The following EGR3 variants were observed in gnomAD, a reference collection of about 807,000 sequenced individuals.
The protein encoded by EGR3 is early growth response protein 3.
Under a neutral mutation model 22.4 loss-of-function variants are expected in EGR3, and 4 were observed. The observed-to-expected ratio is 0.18, with a 90% CI of 0.09 to 0.41. EGR3 has a LOEUF of 0.41. Ranked by LOEUF, EGR3 falls within the 10% of genes least tolerant of loss-of-function variation. The pLI is 1.00. For missense variants in EGR3, 315 were observed against 541.3 expected (o/e 0.58, Z 4.15); for synonymous variants, 219 against 226.8 (o/e 0.97, Z 0.31).
rs561172782 is a variant in EGR3, at chr8:22,690,668, G to A, written c.969C>T (p.His323=). The change falls in exon 2 of 2, where the codon CAC becomes CAT. Residue 323 remains histidine, a synonymous_variant. Coordinates refer to ENST00000317216, the MANE Select transcript of EGR3 (RefSeq NM_004430.3). ...SFSRSDHLTT[H]IRTHTGEKPF... ...GCTTCTCGCCCGTATGAGTGCGGAT[G>A]TGAGTGGTGAGGTGGTCGCTGCGGC... 1 of 1,614,128 alleles carries A rather than the reference G, an allele frequency of 6.2e-7. No homozygotes were observed. Among genetic ancestry groups the A allele is most frequent in the African/African-American group, 1.3e-5 (1 of 75,080 alleles).
Position 22,692,001 on chromosome 8 carries a change from G to T in EGR3, c.155-519C>A, listed in dbSNP as rs1236236530. 11 of 1,293,414 alleles carry T rather than the reference G, an allele frequency of 8.5e-6. No homozygotes were observed. Among genetic ancestry groups the T allele is most frequent in the Non-Finnish European group, 1.1e-5 (11 of 1,020,612 alleles). The allele number at this position is 1,293,414 out of a possible 1,614,324, so 80.1% of individuals were successfully genotyped here. On this transcript the variant is annotated intron_variant, in intron 1 of 1. Transcript: ENST00000317216. This position sits in a 1 kb window ranked among gnomAD's most constrained non-coding sequence, Gnocchi z 6.2. The stretch of plus-strand genomic sequence containing the variant: ...GACGCTTTGTCCTCGGAGCGTAGAA[G>T]GGTGTCGCCCTCAAAGGGAGCTCTC...
Position 22,693,012 on chromosome 8 carries a change from C to T in EGR3, c.-68G>A. On this transcript the variant is annotated 5_prime_UTR_variant, in exon 1 of 2. It introduces an in-frame stop codon into an upstream open reading frame of the 5' UTR. Transcript: ENST00000317216. Reference sequence around the variant, plus strand: ...CCGCCGCTCGCTCCTAACGCAGCTTCCAGGCAAGCGGCATCCGAGAGGCGA... The same window carrying T: ...CCGCCGCTCGCTCCTAACGCAGCTTTCAGGCAAGCGGCATCCGAGAGGCGA... 6.4e-7 allele frequency: 1 copy of T among 1,553,630 alleles called. No homozygotes were observed.
intron 1 of EGR3, chr8:22,691,816 A>T: frequency 4.1e-6 from 4 of 985,368 alleles, no homozygotes; most frequent in Non-Finnish European, 4.8e-6. Context: ...AGCTGCAGCT[A>T]CAGGTAGTTT....
chr8:22,691,614 G>A (rs1035677101), intron 1 of EGR3, 132 bp from the exon 2 acceptor site: 1 of 1,437,716 alleles, frequency 7.0e-7, no homozygotes, highest in East Asian at 2.4e-5. Context: ...TAAGAGGAAC[G>A]CTGAGCCCCG....
intron 1 of EGR3, chr8:22,691,964 C>A: frequency 4.8e-6 from 6 of 1,260,610 alleles, no homozygotes; most frequent in Non-Finnish European, 6.0e-6. Flanking sequence ...GGTCGCCGAC[C>A]CAGAGCGCTC....
Position 22,691,449 on chromosome 8 carries a change from T to C in EGR3, c.188A>G (p.Lys63Arg). 1.9e-6 allele frequency: 3 copies of C among 1,614,062 alleles called. No homozygotes were observed. Among genetic ancestry groups the C allele is most frequent in the Non-Finnish European group, 2.5e-6 (3 of 1,180,010 alleles). Residue 63 changes from lysine (K) to arginine (R), a missense_variant, in exon 2 of 2, where the codon AAG becomes AGG. Physicochemically the swap from Lys to Arg is conservative, Grantham distance 26. Coordinates refer to ENST00000317216, the MANE Select transcript of EGR3 (RefSeq NM_004430.3). ...GGAGTAAGAGAGTTCCGGGTTGGGC[T>C]TCTCGTTGGTCAGACCGATGTCCAT... ...NVMDIGLTNE[K>R]PNPELSYSGS... is the part of the protein sequence containing the mutation.
rs770711526 is a variant in EGR3, at chr8:22,692,676, CCCAT to C, written c.154+111_154+114del. 69,015 of 1,360,402 alleles carry C rather than the reference CCCAT, an allele frequency of 0.051. 3,144 individuals carry two copies. The highest frequency in any genetic ancestry group is 0.24 in the African/African-American group (15,831 of 66,520). The allele number at this position is 1,360,402 out of a possible 1,614,324, so 84.3% of individuals were successfully genotyped here. On this transcript the variant is annotated intron_variant, in intron 1 of 1. Coordinates refer to ENST00000317216, the MANE Select transcript of EGR3 (RefSeq NM_004430.3). This position sits in a 1 kb window ranked among gnomAD's most constrained non-coding sequence, Gnocchi z 6.2. The stretch of plus-strand genomic sequence containing the variant: ...ATCCATTTATCTATCCACCCATCCA[CCCAT>C]CCATCCATCCATCCATCCATCCATC...
At position 22,692,114 on chromosome 8, in the gene EGR3, G is replaced by A. The variant is rs1185729595; in HGVS notation, c.155-632C>T. 4 of 1,365,652 alleles carry A rather than the reference G, an allele frequency of 2.9e-6. No individual in the cohort carries two copies. The highest frequency in any genetic ancestry group is 3.0e-5 in the East Asian group (1 of 33,138). The allele number at this position is 1,365,652 out of a possible 1,614,324, so 84.6% of individuals were successfully genotyped here. A position where few individuals can be genotyped will look rare whatever the true frequency, so the allele number is the denominator to read the frequency against. ...GGAAAATCCTAGCCCCAGCTAGGGA[G>A]GGTGGAGAGCGGCGGAAAACCGGCC... On this transcript the variant is annotated intron_variant, in intron 1 of 1. Coordinates refer to ENST00000317216, the MANE Select transcript of EGR3 (RefSeq NM_004430.3). This position sits in a 1 kb window ranked among gnomAD's most constrained non-coding sequence, Gnocchi z 6.2.
rs1302668678 is a variant in EGR3 at position 22,691,186 on chromosome 8, C to A, written c.451G>T (p.Gly151Cys). The change falls in exon 2 of 2, where the codon GGC becomes TGC. Residue 151 changes from glycine to cysteine, a missense_variant. By Grantham distance (159) the Gly-to-Cys change is radical. Transcript: ENST00000317216. ...YPALPPYSNC[G>C]DLYSEPVSFH... ...GACACGGGCTCTGAGTAGAGGTCGC[C>A]GCAGTTGGAGTAGGGGGGTAGCGCG... is the stretch of plus-strand genomic sequence containing the variant. 1.9e-6 allele frequency: 3 copies of A among 1,613,994 alleles called. No homozygotes were observed. Among genetic ancestry groups the A allele is most frequent in the Non-Finnish European group, 2.5e-6 (3 of 1,180,002 alleles).
Position 22,689,508 on chromosome 8 carries a change from G to A in EGR3, c.*965C>T, listed in dbSNP as rs1460250321. The A allele has an allele frequency of 6.5e-6, 1 of 152,676 alleles. No homozygotes were observed. Among genetic ancestry groups the A allele is most frequent in the African/African-American group, 2.4e-5 (1 of 41,432 alleles). 9.5% of individuals were successfully genotyped at this position (152,676 alleles called of 1,614,324 possible). A position where few individuals can be genotyped will look rare whatever the true frequency, so the allele number is the denominator to read the frequency against. ...TTTGAAAGAGATGGGAGAAGGTTTAGAGGGGAGAAGGGGAAGGAGTGGGAG... is the reference window on the plus strand; with the variant it reads ...TTTGAAAGAGATGGGAGAAGGTTTAAAGGGGAGAAGGGGAAGGAGTGGGAG... On this transcript the variant is annotated 3_prime_UTR_variant, in exon 2 of 2. Transcript: ENST00000317216.
chr8:22,692,317 G>A lies in EGR3; in HGVS notation c.154+474C>T, dbSNP rs1459789512. On this transcript the variant is annotated intron_variant, in intron 1 of 1. Transcript: ENST00000317216. The surrounding 1 kb of genome is among the most constrained non-coding windows in gnomAD (Gnocchi z 6.2). ...GTCGCAGTACCTCTCCCACCGCGGG[G>A]ACTCCACGCCGCACATGGCTCCATC... 6.6e-7 allele frequency: 1 copy of A among 1,517,832 alleles called. No individual in the cohort carries two copies. The allele number at this position is 1,517,832 out of a possible 1,614,324, so 94.0% of individuals were successfully genotyped here.
chr8:22,692,245 C>A lies in EGR3; in HGVS notation c.154+546G>T. ...CGGGTGAACCCCCTCCTTCTCCCCG[C>A]CGTCCCCACACCCCCACGGCTTTGC... On this transcript the variant is annotated intron_variant, in intron 1 of 1. Coordinates refer to ENST00000317216, the MANE Select transcript of EGR3 (RefSeq NM_004430.3). This position sits in a 1 kb window ranked among gnomAD's most constrained non-coding sequence, Gnocchi z 6.2. 1 of 1,475,554 alleles carries A rather than the reference C, an allele frequency of 6.8e-7. No individual in the cohort carries two copies. The highest frequency in any genetic ancestry group is 8.9e-7 in the Non-Finnish European group (1 of 1,119,616). The allele number at this position is 1,475,554 out of a possible 1,614,324, so 91.4% of individuals were successfully genotyped here.
chr8:22,691,621 C>T, intron 1 of EGR3, 139 bp from the exon 2 acceptor site: 1 of 1,438,990 alleles, frequency 6.9e-7, no homozygotes, highest in African/African-American at 1.4e-5. Context: ...AACGCTGAGC[C>T]CCGCGCAAAG....
rs927466566 is a variant in EGR3, at chr8:22,692,003, G to A, written c.155-521C>T. On this transcript the variant is annotated intron_variant, in intron 1 of 1. Transcript: ENST00000317216. This position sits in a 1 kb window ranked among gnomAD's most constrained non-coding sequence, Gnocchi z 6.2. ...CGCTTTGTCCTCGGAGCGTAGAAGG[G>A]TGTCGCCCTCAAAGGGAGCTCTCCC... is the stretch of plus-strand genomic sequence containing the variant. The A allele has an allele frequency of 7.7e-7, 1 of 1,295,810 alleles. No individual in the cohort carries two copies. The highest frequency in any genetic ancestry group is 1.5e-5 in the African/African-American group (1 of 64,760). The allele number at this position is 1,295,810 out of a possible 1,614,324, so 80.3% of individuals were successfully genotyped here. A position where few individuals can be genotyped will look rare whatever the true frequency, so the allele number is the denominator to read the frequency against.
chr8:22,692,291 C>G lies in EGR3; in HGVS notation c.154+500G>C, dbSNP rs1433625274. On this transcript the variant is annotated intron_variant, in intron 1 of 1. Transcript: ENST00000317216. The surrounding 1 kb of genome is among the most constrained non-coding windows in gnomAD (Gnocchi z 6.2). ...TTTGCTGAACGCCCCGGAAAGGCAG[C>G]GTCGCAGTACCTCTCCCACCGCGGG... The G allele has an allele frequency of 5.4e-5, 82 of 1,514,780 alleles. No individual in the cohort carries two copies. The highest frequency in any genetic ancestry group is 6.2e-5 in the Non-Finnish European group (71 of 1,137,594). The allele number at this position is 1,514,780 out of a possible 1,614,324, so 93.8% of individuals were successfully genotyped here.
chr8:22,691,841 G>T (rs1403094792), intron 1 of EGR3: 2 of 985,262 alleles, frequency 2.0e-6, no homozygotes, highest in Non-Finnish European at 2.4e-6. Context: ...CCCGGAGCGC[G>T]CTGGGCTCTC....
At chr8:22,692,000 A>C (rs1327890186) in intron 1 of EGR3, 1 of 1,289,706 alleles carries the variant, frequency 7.8e-7, no homozygotes. Context: ...GGAGCGTAGA[A>C]GGGTGTCGCC....
In EGR3 at chr8:22,690,056, C is replaced by T. The variant is rs867469635; in HGVS notation, c.*417G>A. 9 of 202,360 alleles carry T rather than the reference C, an allele frequency of 4.4e-5. No homozygotes were observed. The highest frequency in any genetic ancestry group is 6.0e-5 in the Non-Finnish European group (6 of 100,300). 12.5% of individuals were successfully genotyped at this position (202,360 alleles called of 1,614,324 possible). ...TTGGTGCGCTCCTTACCCCCTCCCC[C>T]TCTCGAGTCTTCGAGGGGGTATAGA... On this transcript the variant is annotated 3_prime_UTR_variant, in exon 2 of 2. Coordinates refer to ENST00000317216, the MANE Select transcript of EGR3 (RefSeq NM_004430.3).
chr8:22,689,858 G>A lies in EGR3; in HGVS notation c.*615C>T, dbSNP rs1362107582. On this transcript the variant is annotated 3_prime_UTR_variant, in exon 2 of 2. Transcript: ENST00000317216. ...GCTTGGGGACCCGAGGTGGGGAAGA[G>A]TTTGGGGTAAACACAGCCCAGTTCA... 1 of 153,170 alleles carries A rather than the reference G, an allele frequency of 6.5e-6. No individual in the cohort carries two copies. The highest frequency in any genetic ancestry group is 1.9e-4 in the East Asian group (1 of 5,202). The allele number at this position is 153,170 out of a possible 1,614,324, so 9.5% of individuals were successfully genotyped here. A position where few individuals can be genotyped will look rare whatever the true frequency, so the allele number is the denominator to read the frequency against.
Sources: gnomAD v4.1 joint callset for allele counts on GRCh38, gnomAD v4.1.1 for gene constraint, Gnocchi (gnomAD v3.1) non-coding constraint, MANE v1.5 for transcripts, NCBI Gene and HGNC (gene_info 2026-07-23, HGNC 2026-07-21) for gene names.